The following BICDL1 variants were observed in gnomAD, a reference collection of about 807,000 sequenced individuals.
The protein encoded by BICDL1 is BICD family-like cargo adapter 1.
A neutral mutation model predicts 76.8 loss-of-function variants in BICDL1; 20 were observed. That is an observed-to-expected ratio of 0.26 (90% CI 0.18 to 0.38). The LOEUF (loss-of-function observed/expected upper bound fraction) is 0.38. Ranked by LOEUF, BICDL1 falls within the 10% of genes least tolerant of loss-of-function variation. The pLI is 1.00. For synonymous variants in BICDL1, 383 were observed against 337.1 expected, an observed-to-expected ratio of 1.14 and a Z score of -1.49; for missense variants, 700 against 798.6, an observed-to-expected ratio of 0.88 and a Z score of 1.49.
Position 120,084,282 on chromosome 12 carries a change from A to G in BICDL1, c.1583+3265A>G, listed in dbSNP as rs996737391. On this transcript the variant is annotated intron_variant, in intron 8 of 9. Coordinates refer to ENST00000548673, the MANE Select transcript of BICDL1 (RefSeq NM_001367886.1). ...CTCCCAAAGTGCTGGGATTACAGGC[A>G]TGAGCCACCACACCCGGCCAACACT... Among the ~76,000 whole-genome samples, 30 of 152,268 alleles carry G rather than the reference A, an allele frequency of 2.0e-4. 1 individual carries two copies. The highest frequency in any genetic ancestry group is 4.6e-4 in the Admixed American group (7 of 15,296).
At chr12:119,997,641 C>T (rs184252568) in intron 1 of BICDL1, among the ~76,000 whole-genome samples, 22 of 152,282 alleles carry the variant, frequency 1.4e-4, no homozygotes, top group South Asian at 6.2e-4. Context: ...CCCGCTTTGC[C>T]GTTTACTAGT....
At chr12:120,015,388 T>C (rs1177220234) in intron 2 of BICDL1, among the ~76,000 whole-genome samples, 1 of 152,154 alleles carries the variant, frequency 6.6e-6, no homozygotes, top group African/African-American at 2.4e-5. Context: ...TTCTTTCTAC[T>C]TGTACCACCG....
At chr12:120,074,709 C>A in intron 7 of BICDL1, 123 bp downstream of exon 7, 2 of 781,480 alleles carry the variant, frequency 2.6e-6, no homozygotes, top group South Asian at 4.1e-5. Context: ...ATCAGATCAT[C>A]AAGGAATGGT....
chr12:120,005,465 C>G (rs1030932378), intron 2 of BICDL1, among the ~76,000 whole-genome samples: 5 of 152,182 alleles, frequency 3.3e-5, no homozygotes, highest in Non-Finnish European at 7.3e-5. Context: ...CCTCCACCTC[C>G]TGGGTTTAAA....
At chr12:120,001,974 A>G (rs964544345) in intron 2 of BICDL1, among the ~76,000 whole-genome samples, 7 of 152,176 alleles carry the variant, frequency 4.6e-5, no homozygotes, top group Admixed American at 1.3e-4. Flanking sequence ...TGAAGCTGCA[A>G]TGAGCTATGA....
intron 2 of BICDL1, among the ~76,000 whole-genome samples, chr12:120,008,898 G>A (rs1057026819): frequency 1.3e-5 from 2 of 151,268 alleles, no homozygotes; most frequent in African/African-American, 4.9e-5. Flanking sequence ...CTAATTAGTA[G>A]GTTAAACACA....
chr12:120,057,007 G>A (rs7297564), intron 2 of BICDL1: 20,195 of 497,572 alleles, frequency 0.041, 829 homozygotes, highest in African/African-American at 0.14. Context: ...TGGTCCTCTC[G>A]CCCACGCAGG....
At chr12:120,007,533 A>G (rs1951873002) in intron 2 of BICDL1, among the ~76,000 whole-genome samples, 1 of 152,180 alleles carries the variant, frequency 6.6e-6, no homozygotes, top group African/African-American at 2.4e-5. Flanking sequence ...TGTAGGAGGA[A>G]GTTAATGCAA....
intron 9 of BICDL1, chr12:120,091,960 C>G (rs1875011716): frequency 1.0e-6 from 1 of 985,278 alleles, no homozygotes. Flanking sequence ...ACACCACAGG[C>G]TGACTCACTC....
At chr12:120,053,032 G>T (rs1157824683) in intron 2 of BICDL1, among the ~76,000 whole-genome samples, 3 of 152,176 alleles carry the variant, frequency 2.0e-5, no homozygotes, top group African/African-American at 7.2e-5. Flanking sequence ...CACCCACCTT[G>T]GCCTCCCAAA....
intron 1 of BICDL1, among the ~76,000 whole-genome samples, chr12:119,990,803 A>G (rs1231026081): frequency 6.6e-6 from 1 of 152,222 alleles, no homozygotes; most frequent in Non-Finnish European, 1.5e-5. Flanking sequence ...ATAGCCTTCA[A>G]ATGCTCAGGG....
At chr12:120,045,501 G>A (rs1051060688) in intron 2 of BICDL1, among the ~76,000 whole-genome samples, 10 of 152,216 alleles carry the variant, frequency 6.6e-5, no homozygotes, top group African/African-American at 1.9e-4. Context: ...TCACAAGAGC[G>A]AAGATTTGGA....
At chr12:120,038,565 T>C (rs2138794421) in intron 2 of BICDL1, among the ~76,000 whole-genome samples, 1 of 152,322 alleles carries the variant, frequency 6.6e-6, no homozygotes, top group South Asian at 2.1e-4. Flanking sequence ...TGAATTTTTT[T>C]CATTGTTGGT....
rs1401265355 is a variant in BICDL1 at position 119,989,762 on chromosome 12, CGCGAGGCGAGGCGCGGGACGCGGG to C, written c.-103_-80del. 453 of 373,912 alleles carry C rather than the reference CGCGAGGCGAGGCGCGGGACGCGGG, an allele frequency of 1.2e-3. No individual in the cohort carries two copies. Among genetic ancestry groups the C allele is most frequent in the African/African-American group, 7.7e-3 (345 of 44,646 alleles). 23.2% of individuals were successfully genotyped at this position (373,912 alleles called of 1,614,324 possible). On this transcript the variant is annotated 5_prime_UTR_variant, in exon 1 of 10. Coordinates refer to ENST00000548673, the MANE Select transcript of BICDL1 (RefSeq NM_001367886.1). ...GGGGACCCGGGGGCGCGTGCCGCGG[CGCGAGGCGAGGCGCGGGACGCGGG>C]GCGGCGCGGCAGGGCCCCTCCCCCC...
At chr12:120,063,952 C>T (rs1235619770) in intron 3 of BICDL1, among the ~76,000 whole-genome samples, 1 of 152,208 alleles carries the variant, frequency 6.6e-6, no homozygotes, top group Non-Finnish European at 1.5e-5. Context: ...CTCACTGACA[C>T]TGAAGAGATT....
intron 8 of BICDL1, among the ~76,000 whole-genome samples, chr12:120,089,645 G>C (rs1440790196): frequency 1.3e-5 from 2 of 152,060 alleles, no homozygotes; most frequent in Non-Finnish European, 2.9e-5. Flanking sequence ...GCCTCCCAAA[G>C]TGCTGGGATT....
intron 3 of BICDL1, among the ~76,000 whole-genome samples, chr12:120,063,383 C>T (rs1252784193): frequency 6.6e-6 from 1 of 152,160 alleles, no homozygotes; most frequent in Non-Finnish European, 1.5e-5. Context: ...TCTGATCTCT[C>T]TGGACAAAGG....
At chr12:120,030,379 G>A (rs1952397778) in intron 2 of BICDL1, among the ~76,000 whole-genome samples, 2 of 152,174 alleles carry the variant, frequency 1.3e-5, no homozygotes, top group African/African-American at 4.8e-5. Flanking sequence ...GCCTAATAAT[G>A]ACTATCTGCG....
At chr12:120,058,159 A>T (rs754188536) in intron 2 of BICDL1, among the ~76,000 whole-genome samples, 1 of 151,998 alleles carries the variant, frequency 6.6e-6, no homozygotes, top group Non-Finnish European at 1.5e-5. Context: ...GGCTATTGTA[A>T]ATTGAGATGA....
Sources: allele counts gnomAD v4.1 joint callset (sites outside exome capture counted in the v4.1 genomes callset), GRCh38; gene constraint gnomAD v4.1.1; transcripts MANE v1.5; gene names NCBI Gene and HGNC (gene_info 2026-07-23, HGNC 2026-07-21).